Variants in CTNNB1 observed in about 807,000 individuals in gnomAD.
CTNNB1 encodes catenin beta-1.
In CTNNB1, 6 loss-of-function variants were observed where a neutral mutation model predicts 82.5. The ratio of observed to expected loss-of-function variants is 0.07; its 90% CI spans 0.04 to 0.14. CTNNB1 has a LOEUF of 0.14. Among genes scored for constraint, CTNNB1 ranks in the 10% least tolerant of loss-of-function variants. CTNNB1 has a pLI of 1.00. For missense variants in CTNNB1, 529 were observed against 980.4 expected (o/e 0.54, Z 6.15); for synonymous variants, 312 against 329.7 (o/e 0.95, Z 0.58).
At position 41,240,092 on chromosome 3, in the gene CTNNB1, A is replaced by G. The variant is rs1240863966; in HGVS notation, c.*750A>G. On this transcript the variant is annotated 3_prime_UTR_variant, in exon 15 of 15. Transcript: ENST00000349496. ...AGCAATTTCTAATTTTTAAGAATTG[A>G]GTAATGGTGTAGAACACTAATTCAT... The G allele has an allele frequency of 6.1e-6, 1 of 162,714 alleles. No individual in the cohort carries two copies. Among genetic ancestry groups the G allele is most frequent in the Non-Finnish European group, 1.3e-5 (1 of 79,528 alleles). The allele number at this position is 162,714 out of a possible 1,614,324, so 10.1% of individuals were successfully genotyped here.
chr3:41,237,682 G>C, intron 13 of CTNNB1: 1 of 228,544 alleles, frequency 4.4e-6, no homozygotes, highest in East Asian at 1.0e-4. Context: ...TCCTGTTTGT[G>C]GGTAGGCATT....
chr3:41,221,996 TTGAAG>T (rs754488736), intron 1 of CTNNB1: 2 of 152,212 alleles, frequency 1.3e-5, no homozygotes, highest in African/African-American at 4.8e-5. Flanking sequence ...AGATACTAAA[TTGAAG>T]TGTTCTGTTT....
At chr3:41,212,673 GA>G in intron 1 of CTNNB1, among the ~76,000 whole-genome samples, 1 of 152,292 alleles carries the variant, frequency 6.6e-6, no homozygotes, top group African/African-American at 2.4e-5. Context: ...TTAAACATTT[GA>G]AATGTGGCTG....
At chr3:41,219,305 G>A (rs1213387536) in intron 1 of CTNNB1, among the ~76,000 whole-genome samples, 1 of 152,130 alleles carries the variant, frequency 6.6e-6, no homozygotes, top group East Asian at 1.9e-4. Context: ...GATGCTGTGT[G>A]GAGTTACTCA....
At chr3:41,236,124 AT>A in intron 11 of CTNNB1, 1 of 718,778 alleles carries the variant, frequency 1.4e-6, no homozygotes, top group Non-Finnish European at 2.3e-6. Flanking sequence ...CAAATCTTAG[AT>A]CAGTTAGAGC....
At chr3:41,227,971 G>A (rs907070928) in intron 7 of CTNNB1, among the ~76,000 whole-genome samples, 5 of 152,108 alleles carry the variant, frequency 3.3e-5, no homozygotes, top group African/African-American at 9.7e-5. Context: ...AGAACATGTG[G>A]TATTTGGTTT....
chr3:41,218,103 G>A (rs4973928), intron 1 of CTNNB1, among the ~76,000 whole-genome samples: 60,730 of 151,476 alleles, frequency 0.4, 12,495 homozygotes, highest in Non-Finnish European at 0.45. Flanking sequence ...ATTTTTTTAC[G>A]TGTAAATATT....
intron 6 of CTNNB1, among the ~76,000 whole-genome samples, chr3:41,226,697 T>C (rs2078183773): frequency 6.6e-6 from 1 of 152,162 alleles, no homozygotes; most frequent in Non-Finnish European, 1.5e-5. Context: ...GAAATTTGTT[T>C]TTAGAAAATT....
intron 2 of CTNNB1, 62 bp downstream of exon 2, chr3:41,224,143 T>G (rs1160838409): frequency 6.9e-6 from 11 of 1,583,390 alleles, no homozygotes; most frequent in Middle Eastern, 1.7e-4. Flanking sequence ...ATTAAGCCAG[T>G]CTGGCTGAGA....
intron 1 of CTNNB1, chr3:41,222,054 C>T (rs1202484683): frequency 6.6e-6 from 1 of 152,034 alleles, no homozygotes; most frequent in East Asian, 1.9e-4. Flanking sequence ...ATCTCAGTTT[C>T]TATGGAGTCA....
chr3:41,238,636 C>T (rs188602456), intron 14 of CTNNB1, among the ~76,000 whole-genome samples: 1 of 152,300 alleles, frequency 6.6e-6, no homozygotes, highest in Non-Finnish European at 1.5e-5. Flanking sequence ...AACATGTCAA[C>T]CCTAAGATAA....
chr3:41,199,953 C>A (rs1395689417), intron 1 of CTNNB1: 2 of 39,292 alleles, frequency 5.1e-5, no homozygotes, highest in Non-Finnish European at 9.8e-5. Context: ...GCCCGGATGG[C>A]AGGCGGGGTG....
At chr3:41,204,125 AG>A (rs1239550109) in intron 1 of CTNNB1, among the ~76,000 whole-genome samples, 1 of 152,018 alleles carries the variant, frequency 6.6e-6, no homozygotes, top group African/African-American at 2.4e-5. Context: ...GAATGCCTCA[AG>A]TGCTTTATGT....
Position 41,233,872 on chromosome 3 carries a change from A to G in CTNNB1, c.1524+5A>G, listed in dbSNP as rs781550046. ...TCCCACTGGCCTCTGATAAAGGTAA[A>G]TTGTCAAAGTAGAATTTACCTTTGT... On this transcript the variant is annotated splice_donor_5th_base_variant and intron_variant, in intron 9 of 14. Coordinates refer to ENST00000349496, the MANE Select transcript of CTNNB1 (RefSeq NM_001904.4). The G allele has an allele frequency of 6.2e-7, 1 of 1,613,694 alleles. No homozygotes were observed. The highest frequency in any genetic ancestry group is 1.7e-5 in the Admixed American group (1 of 60,020).
Position 41,223,941 on chromosome 3 carries a change from T to C in CTNNB1, c.-48-80T>C. On this transcript the variant is annotated intron_variant, in intron 1 of 14. Coordinates refer to ENST00000349496, the MANE Select transcript of CTNNB1 (RefSeq NM_001904.4). ...TTTTTTTGTGGGTGTAATAGTGACA[T>C]TTAACAGGTATCCCAGTGACTTAGG... 2.9e-6 allele frequency: 3 copies of C among 1,043,788 alleles called. No homozygotes were observed. In the South Asian group the frequency reaches 3.9e-5, roughly 13 times the overall value. The allele number at this position is 1,043,788 out of a possible 1,614,324, so 64.7% of individuals were successfully genotyped here. A position where few individuals can be genotyped will look rare whatever the true frequency, so the allele number is the denominator to read the frequency against.
chr3:41,209,375 C>T (rs1009038225), intron 1 of CTNNB1, among the ~76,000 whole-genome samples: 4 of 152,150 alleles, frequency 2.6e-5, no homozygotes, highest in East Asian at 1.9e-4. Context: ...ACTGACCTCC[C>T]GGTTTTCCCC....
At chr3:41,205,419 T>C (rs1178974969) in intron 1 of CTNNB1, among the ~76,000 whole-genome samples, 2 of 152,100 alleles carry the variant, frequency 1.3e-5, no homozygotes, top group Non-Finnish European at 2.9e-5. Context: ...TTTTGAAAAG[T>C]GGGGTGGCCT....
chr3:41,238,331 T>TG, intron 14 of CTNNB1: 1 of 476,636 alleles, frequency 2.1e-6, no homozygotes, highest in Non-Finnish European at 3.8e-6. Flanking sequence ...CAGTGCAGGA[T>TG]GTTACAATTT....
rs762099762 is a variant in CTNNB1, at chr3:41,235,782, C to T, written c.1742C>T (p.Ala581Val). Residue 581 changes from alanine (A) to valine (V), a missense_variant, in exon 11 of 15, where the codon GCT becomes GTT. By Grantham distance (64) the Ala-to-Val change is moderately conservative. Transcript: ENST00000349496. ...EGCTGALHIL[A>V]RDVHNRIVIR... ...TGTACCGGAGCCCTTCACATCCTAG[C>T]TCGGGATGTTCACAACCGAATTGTT... is the stretch of plus-strand genomic sequence containing the variant. 6.2e-6 allele frequency: 10 copies of T among 1,613,618 alleles called. No homozygotes were observed. The highest frequency in any genetic ancestry group is 8.5e-6 in the Non-Finnish European group (10 of 1,179,632).
Sources: gnomAD v4.1 joint callset for allele counts (sites outside exome capture counted in the v4.1 genomes callset) on GRCh38, gnomAD v4.1.1 for gene constraint, MANE v1.5 for transcripts, NCBI Gene and HGNC (gene_info 2026-07-23, HGNC 2026-07-21) for gene names.